COL15A1: variants seen among roughly 807,000 people sequenced by gnomAD.
COL15A1 encodes the protein collagen type XV alpha 1 chain.
In COL15A1, 111 loss-of-function variants were observed where a neutral mutation model predicts 165.9. That is an observed-to-expected ratio of 0.67 (90% CI 0.57 to 0.78). The LOEUF (loss-of-function observed/expected upper bound fraction) is 0.78. Ranked by LOEUF, COL15A1 falls within the 30% of genes least tolerant of loss-of-function variation. The probability of loss-of-function intolerance (pLI) is 0.00; values close to 1 mark genes in which losing one functional copy is unlikely to be tolerated. For missense variants in COL15A1, 1,745 were observed against 1,789.7 expected, an observed-to-expected ratio of 0.98 and a Z score of 0.45; for synonymous variants, 659 against 674.8, an observed-to-expected ratio of 0.98 and a Z score of 0.36.
intron 2 of COL15A1, among the ~76,000 whole-genome samples, chr9:98,947,680 T>A (rs375374134): frequency 6.6e-6 from 1 of 152,130 alleles, no homozygotes; most frequent in Non-Finnish European, 1.5e-5. Flanking sequence ...GGGCATTGAT[T>A]CTCTCAGAAA....
chr9:99,065,603 C>T (rs1825878534), intron 39 of COL15A1, among the ~76,000 whole-genome samples: 1 of 149,760 alleles, frequency 6.7e-6, no homozygotes, highest in Non-Finnish European at 1.5e-5. Flanking sequence ...GCTGGGGAAG[C>T]CTTGGCTCAG....
At chr9:99,020,810 A>C (rs1839014680) in intron 12 of COL15A1, among the ~76,000 whole-genome samples, 3 of 152,174 alleles carry the variant, frequency 2.0e-5, no homozygotes, top group African/African-American at 7.2e-5. Flanking sequence ...TTCCTGGGAA[A>C]ATGTTGGGCA....
chr9:98,990,805 T>C (rs1838407533), intron 5 of COL15A1, among the ~76,000 whole-genome samples: 1 of 152,202 alleles, frequency 6.6e-6, no homozygotes, highest in African/African-American at 2.4e-5. Context: ...CTGGTGCTAT[T>C]GTGTCTGGAA....
At chr9:99,033,822 C>T (rs1839250986) in intron 16 of COL15A1, among the ~76,000 whole-genome samples, 1 of 152,118 alleles carries the variant, frequency 6.6e-6, no homozygotes, top group African/African-American at 2.4e-5. Context: ...GTGGTTTCCT[C>T]AGAGATTCTC....
intron 5 of COL15A1, among the ~76,000 whole-genome samples, chr9:98,992,179 G>T (rs1008769170): frequency 6.6e-6 from 1 of 152,268 alleles, no homozygotes; most frequent in African/African-American, 2.4e-5. Context: ...CGTCAGGGAG[G>T]CTTGGGCCAT....
In COL15A1 at chr9:99,063,592, A is replaced by G. The variant is rs540810156; in HGVS notation, c.3651+483A>G. Among the ~76,000 whole-genome samples, 4 of 152,302 alleles carry G rather than the reference A, an allele frequency of 2.6e-5. No individual in the cohort carries two copies. In the South Asian group the frequency reaches 8.3e-4, roughly 32 times the overall value. On this transcript the variant is annotated intron_variant, in intron 39 of 41. Coordinates refer to ENST00000375001, the MANE Select transcript of COL15A1 (RefSeq NM_001855.5). ...AAAGTTTGACCATTTTCTGTGGGCA[A>G]TGGGGAGCTACAGAAGGGTTTAAAG... is the stretch of plus-strand genomic sequence containing the variant.
chr9:98,971,301 G>A (rs1047522646), intron 2 of COL15A1, among the ~76,000 whole-genome samples: 1 of 151,972 alleles, frequency 6.6e-6, no homozygotes, highest in East Asian at 1.9e-4. Flanking sequence ...CTTTTTCTCC[G>A]TGCCATTTTC....
rs959926699 is a variant in COL15A1, at chr9:99,038,204, C to T, written c.2410-464C>T. ...GCTTCTGGTGGAAGTGTAAATTGGCCCCTTTGGATGGCTCTTTGGCAGTCT... is the reference window on the plus strand; with the variant it reads ...GCTTCTGGTGGAAGTGTAAATTGGCTCCTTTGGATGGCTCTTTGGCAGTCT... On this transcript the variant is annotated intron_variant, in intron 21 of 41. Coordinates refer to ENST00000375001, the MANE Select transcript of COL15A1 (RefSeq NM_001855.5). Among the ~76,000 whole-genome samples the T allele has an allele frequency of 2.0e-5, 3 of 151,882 alleles. No homozygotes were observed. In the East Asian group the frequency reaches 5.8e-4, roughly 29 times the overall value.
At chr9:98,988,509 GAC>G (rs1838355849) in intron 4 of COL15A1, among the ~76,000 whole-genome samples, 1 of 152,204 alleles carries the variant, frequency 6.6e-6, no homozygotes, top group Admixed American at 6.5e-5. Context: ...AGATTCCAAT[GAC>G]AGCCTCACAA....
intron 14 of COL15A1, among the ~76,000 whole-genome samples, chr9:99,024,020 C>T (rs1213755731): frequency 2.0e-5 from 3 of 152,176 alleles, no homozygotes; most frequent in Admixed American, 2.0e-4. Context: ...GGAGCTTCTA[C>T]CTTCTCTAGC....
intron 2 of COL15A1, among the ~76,000 whole-genome samples, chr9:98,957,988 G>A (rs1176265594): frequency 6.6e-6 from 1 of 152,198 alleles, no homozygotes; most frequent in African/African-American, 2.4e-5. Context: ...CCTGTGCCTG[G>A]CCCCTGGCCA....
intron 30 of COL15A1, among the ~76,000 whole-genome samples, chr9:99,051,929 C>T (rs1448630132): frequency 1.3e-5 from 2 of 152,218 alleles, no homozygotes; most frequent in Non-Finnish European, 2.9e-5. Context: ...ATTACCTGCC[C>T]ATGATGCTCA....
At chr9:98,980,335 G>A (rs1442332878) in intron 2 of COL15A1, among the ~76,000 whole-genome samples, 1 of 152,364 alleles carries the variant, frequency 6.6e-6, no homozygotes, top group East Asian at 1.9e-4. Context: ...TGTACAGAGA[G>A]GACTTCTAAT....
At chr9:99,011,406 G>GA (rs774837414) in intron 9 of COL15A1, among the ~76,000 whole-genome samples, 1,211 of 46,788 alleles carry the variant, frequency 0.026, 24 homozygotes, top group African/African-American at 0.052. Context: ...CCCTCTTTCT[G>GA]AAAAAAAAAA....
At chr9:99,009,676 C>A (rs974268732) in intron 9 of COL15A1, among the ~76,000 whole-genome samples, 1 of 151,760 alleles carries the variant, frequency 6.6e-6, no homozygotes, top group East Asian at 1.9e-4. Context: ...AAAGTGATAC[C>A]TCAAAGAGTT....
intron 13 of COL15A1, 76 bp downstream of exon 13, chr9:99,022,226 G>A (rs1839040237): frequency 6.3e-7 from 1 of 1,595,260 alleles, no homozygotes; most frequent in Non-Finnish European, 8.6e-7. Flanking sequence ...ACAGGCTGAG[G>A]ACTCTCCTTT....
intron 2 of COL15A1, among the ~76,000 whole-genome samples, chr9:98,971,353 G>C (rs1025230543): frequency 7.2e-5 from 11 of 152,186 alleles, no homozygotes; most frequent in Non-Finnish European, 1.6e-4. Flanking sequence ...GCCCTCCAGA[G>C]CTGCCTGCCG....
rs59161086 is a variant in COL15A1, at chr9:99,069,981, G to GGTT, written c.*95_*96insGTT. 8.6e-3 allele frequency: 6,771 copies of GGTT among 784,926 alleles called. 21 individuals are homozygous for GGTT. Among genetic ancestry groups the GGTT allele is most frequent in the East Asian group, 0.026 (853 of 32,484 alleles). 48.6% of individuals were successfully genotyped at this position (784,926 alleles called of 1,614,324 possible). A position where few individuals can be genotyped will look rare whatever the true frequency, so the allele number is the denominator to read the frequency against. ...ATGTTTAATTGTTGTAAATATTACA[G>GGTT]TTTTTTTTTTTTACTACATATTCTT... On this transcript the variant is annotated 3_prime_UTR_variant, in exon 42 of 42. Coordinates refer to ENST00000375001, the MANE Select transcript of COL15A1 (RefSeq NM_001855.5).
chr9:99,068,786 G>T, intron 41 of COL15A1, 116 bp downstream of exon 41: 1 of 643,816 alleles, frequency 1.6e-6, no homozygotes, highest in Non-Finnish European at 2.6e-6. Flanking sequence ...TAAAGCCACA[G>T]TGAGGCAACT....
Sources: gnomAD v4.1 joint callset for allele counts (sites outside exome capture counted in the v4.1 genomes callset) on GRCh38, gnomAD v4.1.1 for gene constraint, MANE v1.5 for transcripts, NCBI Gene and HGNC (gene_info 2026-07-23, HGNC 2026-07-21) for gene names.